EYS: variants seen among roughly 807,000 people sequenced by gnomAD.
EYS encodes the protein protein eyes shut homolog.
EYS carries 250 observed loss-of-function variants against 282.1 expected under a neutral mutation model. That is an observed-to-expected ratio of 0.89 (90% CI 0.80 to 0.98). EYS has a LOEUF of 0.98. Among genes scored for constraint, EYS ranks in the 50% least tolerant of loss-of-function variants. The pLI, the probability that EYS is intolerant of heterozygous loss-of-function variation, is 0.00. For synonymous variants in EYS, 1,355 were observed against 1,282.9 expected (o/e 1.06, Z -1.20); for missense variants, 4,016 against 3,709.0 (o/e 1.08, Z -2.15).
intron 22 of EYS, among the ~76,000 whole-genome samples, chr6:64,746,281 G>A (rs868581648): frequency 6.6e-6 from 1 of 151,960 alleles, no homozygotes; most frequent in Non-Finnish European, 1.5e-5. Context: ...TAATACTATT[G>A]TCAAGGTTCA....
chr6:64,481,773 C>T (rs1776445350), intron 26 of EYS, among the ~76,000 whole-genome samples: 1 of 151,490 alleles, frequency 6.6e-6, no homozygotes, highest in African/African-American at 2.4e-5. Flanking sequence ...AGTGTTCATT[C>T]CAGTGTATCT....
At position 65,429,908 on chromosome 6, in the gene EYS, T is replaced by C. The variant is rs898847866; in HGVS notation, c.863-24541A>G. 2.0e-5 allele frequency among the ~76,000 whole-genome samples: 3 copies of C among 152,308 alleles called. No homozygotes were observed. In the South Asian group the frequency reaches 6.2e-4, roughly 32 times the overall value. Reference sequence around the variant, plus strand: ...ATAATAATACTTTTAGTAATACTTTTAGTTTACTACGCCAAGCAGTGTTCC... The same window carrying C: ...ATAATAATACTTTTAGTAATACTTTCAGTTTACTACGCCAAGCAGTGTTCC... On this transcript the variant is annotated intron_variant, in intron 5 of 42. Transcript: ENST00000503581.
chr6:64,859,791 T>C (rs935294228), intron 19 of EYS, among the ~76,000 whole-genome samples: 1 of 152,218 alleles, frequency 6.6e-6, no homozygotes, highest in Non-Finnish European at 1.5e-5. Flanking sequence ...ATCAGCAGCA[T>C]GAAAACAGAC....
rs62415828 is a variant in EYS, at chr6:64,591,515, A to G, written c.4352T>C (p.Ile1451Thr). 0.13 allele frequency: 200,593 copies of G among 1,550,906 alleles called. 13,837 individuals carry two copies. Among genetic ancestry groups the G allele is most frequent in the East Asian group, 0.15 (6,018 of 40,866 alleles). Residue 1451 changes from isoleucine (I) to threonine (T), a missense_variant, in exon 26 of 43, where the codon ATA becomes ACA. Physicochemically the swap from Ile to Thr is moderately conservative, Grantham distance 89 (BLOSUM62 -1). Coordinates refer to ENST00000503581, the MANE Select transcript of EYS (RefSeq NM_001142800.2). ...QSLLSRGFLL[I>T]AASISATPVV... The stretch of plus-strand genomic sequence containing the variant: ...TGGAGTTGCACTTATGGAGGCAGCT[A>G]TAAGCAGGAATCCACGGGAGAGTAA...
intron 29 of EYS, among the ~76,000 whole-genome samples, chr6:64,355,143 C>T (rs1771782517): frequency 6.6e-6 from 1 of 151,436 alleles, no homozygotes; most frequent in African/African-American, 2.4e-5. Context: ...AAAATCAATA[C>T]AGAATTAAAA....
intron 31 of EYS, among the ~76,000 whole-genome samples, chr6:64,155,510 T>C (rs780033444): frequency 3.3e-5 from 5 of 152,054 alleles, no homozygotes; most frequent in Non-Finnish European, 7.3e-5. Flanking sequence ...GGCACATGCA[T>C]TGGGGTAACT....
intron 35 of EYS, among the ~76,000 whole-genome samples, chr6:63,970,401 C>G (rs1414984111): frequency 6.6e-6 from 1 of 151,986 alleles, no homozygotes; most frequent in East Asian, 1.9e-4. Context: ...TTTGGGAGGC[C>G]GAGGTGGCCA....
chr6:64,542,166 G>A (rs1764709889), intron 26 of EYS, among the ~76,000 whole-genome samples: 1 of 151,992 alleles, frequency 6.6e-6, no homozygotes, highest in African/African-American at 2.4e-5. Context: ...AAATCAACAA[G>A]TTCAGTTTTC....
rs192249531 is a variant in EYS, at chr6:65,258,159, A to T, written c.2023+37704T>A. 4.3e-3 allele frequency among the ~76,000 whole-genome samples: 647 copies of T among 152,186 alleles called. 4 individuals are homozygous for T. The highest frequency in any genetic ancestry group is 0.02 in the Middle Eastern group (6 of 294). On this transcript the variant is annotated intron_variant, in intron 12 of 42. Coordinates refer to ENST00000503581, the MANE Select transcript of EYS (RefSeq NM_001142800.2). ...CCCATAAAAATTTAAATAAAGTTTT[A>T]AATAACTTTTAGGTTAAAAATGCGA...
chr6:64,867,085 G>T (rs1766445757), intron 19 of EYS, among the ~76,000 whole-genome samples: 1 of 151,682 alleles, frequency 6.6e-6, no homozygotes, highest in Admixed American at 6.6e-5. Context: ...TTAGAACATA[G>T]CTATCATTCA....
chr6:64,483,982 TAAGTTTTAATATGGGGAAAATA>T (rs1340030020), intron 26 of EYS, among the ~76,000 whole-genome samples: 5 of 151,662 alleles, frequency 3.3e-5, no homozygotes, highest in Non-Finnish European at 7.4e-5. Context: ...AGGTGGGCAT[TAAGTTTTAATATGGGGAAAATA>T]ACTTTGATCT....
intron 29 of EYS, among the ~76,000 whole-genome samples, chr6:64,315,983 T>C (rs191595412): frequency 6.6e-6 from 1 of 152,310 alleles, no homozygotes; most frequent in African/African-American, 2.4e-5. Context: ...ATTATCTCAA[T>C]AGATGCAGAA....
intron 12 of EYS, among the ~76,000 whole-genome samples, chr6:65,159,133 C>T (rs1490867985): frequency 6.6e-6 from 1 of 150,800 alleles, no homozygotes; most frequent in Non-Finnish European, 1.5e-5. Flanking sequence ...ATAATTTTTG[C>T]CCCTCTATTC....
Position 63,999,135 on chromosome 6 carries a change from C to A in EYS, c.6774G>T (p.Met2258Ile). Residue 2258 changes from methionine to isoleucine, a missense_variant, in exon 34 of 43, where the codon ATG becomes ATT. By Grantham distance (10) the Met-to-Ile change is conservative. Coordinates refer to ENST00000503581, the MANE Select transcript of EYS (RefSeq NM_001142800.2). ...GTACTGGAGGTTTTCCATCTGCAGTCATTTCAATCATACAAACAACTCCAG... is the reference window on the plus strand; with the variant it reads ...GTACTGGAGGTTTTCCATCTGCAGTAATTTCAATCATACAAACAACTCCAG... ...GSPGVVCMIEMTADGKPPVQK... is the reference protein window; with the variant it reads ...GSPGVVCMIEITADGKPPVQK... 6.4e-7 allele frequency: 1 copy of A among 1,551,554 alleles called. No individual in the cohort carries two copies. The highest frequency in any genetic ancestry group is 1.2e-5 in the South Asian group (1 of 84,008).
intron 2 of EYS, among the ~76,000 whole-genome samples, chr6:65,619,066 G>C (rs1301914961): frequency 2.0e-5 from 3 of 151,896 alleles, no homozygotes; most frequent in Non-Finnish European, 2.9e-5. Flanking sequence ...GAACTTTAAA[G>C]TAGTTTTTTC....
chr6:63,943,411 A>T (rs1166914956), intron 35 of EYS, among the ~76,000 whole-genome samples: 1 of 152,210 alleles, frequency 6.6e-6, no homozygotes, highest in Non-Finnish European at 1.5e-5. Context: ...TTTACATTAA[A>T]GTTTACAGAC....
At chr6:64,972,723 C>T (rs975963544) in intron 14 of EYS, among the ~76,000 whole-genome samples, 2 of 152,070 alleles carry the variant, frequency 1.3e-5, no homozygotes, top group African/African-American at 2.4e-5. Flanking sequence ...TTCCAGTCAA[C>T]AGTTGGCTAT....
intron 13 of EYS, among the ~76,000 whole-genome samples, chr6:65,056,399 C>T (rs377054624): frequency 6.6e-6 from 1 of 151,954 alleles, no homozygotes; most frequent in East Asian, 1.9e-4. Context: ...AGTCTACCAG[C>T]CTGGGCAACA....
intron 36 of EYS, among the ~76,000 whole-genome samples, chr6:63,845,509 C>G (rs1305950157): frequency 6.6e-6 from 1 of 151,444 alleles, no homozygotes; most frequent in Non-Finnish European, 1.5e-5. Flanking sequence ...GCCCTTTACT[C>G]TAGAGAATGG....
Sources: gnomAD v4.1 joint callset for allele counts (sites outside exome capture counted in the v4.1 genomes callset) on GRCh38, gnomAD v4.1.1 for gene constraint, MANE v1.5 for transcripts, NCBI Gene and HGNC (gene_info 2026-07-23, HGNC 2026-07-21) for gene names.